The following CARMIL1 variants were observed in gnomAD, a reference collection of about 807,000 sequenced individuals.
CARMIL1 encodes the protein F-actin-uncapping protein LRRC16A.
Under a neutral mutation model 177.1 loss-of-function variants are expected in CARMIL1, and 90 were observed. The observed-to-expected ratio is 0.51, with a 90% CI of 0.43 to 0.61. CARMIL1 has a LOEUF of 0.61. Among genes scored for constraint, CARMIL1 ranks in the 20% least tolerant of loss-of-function variants. The pLI is 0.00. For missense variants in CARMIL1, 1,380 were observed against 1,667.0 expected, an observed-to-expected ratio of 0.83 and a Z score of 3.00; for synonymous variants, 577 against 606.2, an observed-to-expected ratio of 0.95 and a Z score of 0.71.
In CARMIL1 at chr6:25,594,466, G is replaced by C. The variant is rs761523901; in HGVS notation, c.3058G>C (p.Gly1020Arg). The change falls in exon 32 of 37, where the codon GGG becomes CGG. Residue 1020 changes from glycine (G) to arginine (R), a missense_variant. By Grantham distance (125) the Gly-to-Arg change is moderately radical. Coordinates refer to ENST00000329474, the MANE Select transcript of CARMIL1 (RefSeq NM_017640.6). ...AGATGGTGAACAGAATGGTCTCATGGGGAGAGTGGATGAAGGTGTAGATGA... is the reference window on the plus strand; with the variant it reads ...AGATGGTGAACAGAATGGTCTCATGCGGAGAGTGGATGAAGGTGTAGATGA... ...SQDGEQNGLM[G>R]RVDEGVDEFF... 6.2e-7 allele frequency: 1 copy of C among 1,613,636 alleles called. No individual in the cohort carries two copies. The highest frequency in any genetic ancestry group is 8.5e-7 in the Non-Finnish European group (1 of 1,179,676).
intron 23 of CARMIL1, 116 bp downstream of exon 23, chr6:25,520,453 T>C (rs1172179207): frequency 1.6e-6 from 1 of 628,262 alleles, no homozygotes; most frequent in Non-Finnish European, 2.7e-6. Flanking sequence ...TTTTATTTTA[T>C]TTTTTCACAT....
intron 12 of CARMIL1, among the ~76,000 whole-genome samples, chr6:25,487,736 T>C (rs1014763875): frequency 2.6e-5 from 4 of 152,196 alleles, no homozygotes; most frequent in Non-Finnish European, 4.4e-5. Context: ...TAGACAACCA[T>C]GACTAGCAGG....
intron 2 of CARMIL1, among the ~76,000 whole-genome samples, chr6:25,313,615 G>A (rs1339763471): frequency 6.7e-6 from 1 of 149,740 alleles, no homozygotes; most frequent in East Asian, 2.0e-4. Flanking sequence ...CAGGCAAATA[G>A]TCAAGGACAG....
intron 16 of CARMIL1, among the ~76,000 whole-genome samples, chr6:25,499,613 CCAATT>C (rs1562219689): frequency 6.6e-6 from 1 of 152,112 alleles, no homozygotes; most frequent in Non-Finnish European, 1.5e-5. Context: ...ATCCTGGACT[CCAATT>C]CAAGACATAT....
intron 32 of CARMIL1, among the ~76,000 whole-genome samples, chr6:25,595,362 T>C (rs1814733972): frequency 6.6e-6 from 1 of 152,206 alleles, no homozygotes; most frequent in Non-Finnish European, 1.5e-5. Flanking sequence ...TAATCAATTC[T>C]ATTAGATGGA....
chr6:25,414,467 C>T (rs72831242), intron 2 of CARMIL1, among the ~76,000 whole-genome samples: 1 of 152,308 alleles, frequency 6.6e-6, no homozygotes, highest in Non-Finnish European at 1.5e-5. Flanking sequence ...GTGTCCTGTG[C>T]AACTGCCCCT....
At chr6:25,420,078 G>C (rs374700436) in intron 2 of CARMIL1, 36 bp from the exon 3 acceptor site, 15 of 1,572,822 alleles carry the variant, frequency 9.5e-6, no homozygotes, top group South Asian at 2.2e-5. Flanking sequence ...CCCACTTTTT[G>C]GTGCTTATAC....
At chr6:25,536,440 A>G (rs1455589344) in intron 24 of CARMIL1, among the ~76,000 whole-genome samples, 1 of 152,086 alleles carries the variant, frequency 6.6e-6, no homozygotes, top group African/African-American at 2.4e-5. Flanking sequence ...TATTCATACA[A>G]CTTCTTTTTC....
intron 21 of CARMIL1, among the ~76,000 whole-genome samples, chr6:25,516,691 A>C (rs1806035820): frequency 6.6e-6 from 1 of 152,210 alleles, no homozygotes; most frequent in Non-Finnish European, 1.5e-5. Context: ...GACAAATCCT[A>C]AATACCCCTG....
chr6:25,514,854 G>A (rs561347215), intron 20 of CARMIL1, among the ~76,000 whole-genome samples: 1 of 151,924 alleles, frequency 6.6e-6, no homozygotes, highest in East Asian at 1.9e-4. Flanking sequence ...AGCCCAAGAG[G>A]TCAAGGCTGC....
chr6:25,374,200 G>C (rs1790753572), intron 2 of CARMIL1, among the ~76,000 whole-genome samples: 1 of 152,198 alleles, frequency 6.6e-6, no homozygotes, highest in East Asian at 1.9e-4. Context: ...CACTGCTCTT[G>C]CTGTATCCCA....
At chr6:25,483,783 T>C (rs1582106746) in intron 12 of CARMIL1, among the ~76,000 whole-genome samples, 2 of 152,184 alleles carry the variant, frequency 1.3e-5, no homozygotes, top group East Asian at 3.9e-4. Context: ...ATTTATTTTT[T>C]TGGAGACAGG....
At chr6:25,532,726 A>G (rs1014737177) in intron 24 of CARMIL1, among the ~76,000 whole-genome samples, 3 of 152,230 alleles carry the variant, frequency 2.0e-5, no homozygotes, top group African/African-American at 4.8e-5. Context: ...AAATATTTTT[A>G]TAAGACTCAA....
At chr6:25,551,728 C>T (rs1036783918) in intron 27 of CARMIL1, among the ~76,000 whole-genome samples, 1 of 152,122 alleles carries the variant, frequency 6.6e-6, no homozygotes, top group Non-Finnish European at 1.5e-5. Context: ...CATAATGTTT[C>T]TTAGTTGGGG....
chr6:25,440,288 G>C lies in CARMIL1; in HGVS notation c.371+4684G>C, dbSNP rs192858543. ...GAGCACAGGCTGGCTTTGCAGAGGAGATTTACTGCAAACGGATGGAGAAAA... is the reference window on the plus strand; with the variant it reads ...GAGCACAGGCTGGCTTTGCAGAGGACATTTACTGCAAACGGATGGAGAAAA... On this transcript the variant is annotated intron_variant, in intron 5 of 36. Coordinates refer to ENST00000329474, the MANE Select transcript of CARMIL1 (RefSeq NM_017640.6). Among the ~76,000 whole-genome samples the C allele has an allele frequency of 4.4e-4, 67 of 152,334 alleles. 1 individual carries two copies. Among genetic ancestry groups the C allele is most frequent in the African/African-American group, 1.5e-3 (64 of 41,570 alleles).
At chr6:25,540,151 G>A in intron 26 of CARMIL1, 73 bp downstream of exon 26, 1 of 1,380,552 alleles carries the variant, frequency 7.2e-7, no homozygotes, top group Non-Finnish European at 9.7e-7. Flanking sequence ...TCATTCCATA[G>A]CTATCTATGT....
At chr6:25,324,765 T>TAGGG (rs1784939651) in intron 2 of CARMIL1, among the ~76,000 whole-genome samples, 2 of 151,782 alleles carry the variant, frequency 1.3e-5, no homozygotes, top group Non-Finnish European at 2.9e-5. Context: ...ATGGGTGCTG[T>TAGGG]TGGAGATAAT....
At chr6:25,349,655 T>C (rs1483314185) in intron 2 of CARMIL1, among the ~76,000 whole-genome samples, 1 of 152,028 alleles carries the variant, frequency 6.6e-6, no homozygotes, top group East Asian at 1.9e-4. Flanking sequence ...CACATGGCCC[T>C]GAGGCGGCCC....
chr6:25,537,645 T>A (rs1808433304), intron 24 of CARMIL1, among the ~76,000 whole-genome samples: 1 of 152,234 alleles, frequency 6.6e-6, no homozygotes, highest in Admixed American at 6.5e-5. Context: ...GCATTAAAGT[T>A]GCCAAAGGTT....
Sources: gnomAD v4.1 joint callset for allele counts (sites outside exome capture counted in the v4.1 genomes callset) on GRCh38, gnomAD v4.1.1 for gene constraint, MANE v1.5 for transcripts, NCBI Gene and HGNC (gene_info 2026-07-23, HGNC 2026-07-21) for gene names.